Variants in FOXP1 observed in about 807,000 individuals in gnomAD.
FOXP1 encodes forkhead box protein P1.
FOXP1 carries 15 observed loss-of-function variants against 98.2 expected under a neutral mutation model. The ratio of observed to expected loss-of-function variants is 0.15; its 90% confidence interval spans 0.10 to 0.24. FOXP1 has a LOEUF of 0.24. FOXP1 is among the 10% of genes least tolerant of loss of function. The pLI is 1.00. For synonymous variants in FOXP1, 371 were observed against 314.5 expected (o/e 1.18, Z -1.90); for missense variants, 633 against 848.5 (o/e 0.75, Z 3.15).
Position 71,198,330 on chromosome 3 carries a change from T to C in FOXP1, c.52A>G (p.Asn18Asp). 1 of 1,613,046 alleles carries C rather than the reference T, an allele frequency of 6.2e-7. No homozygotes were observed. The highest frequency in any genetic ancestry group is 8.5e-7 in the Non-Finnish European group (1 of 1,179,840). The change falls in exon 6 of 21, where the codon AAT (asparagine) becomes GAT (aspartate). Residue 18 changes from asparagine (N) to aspartate (D), a missense_variant. Physicochemically the swap from Asn to Asp is conservative, Grantham distance 23. This residue lies in a region of FOXP1 where 103 missense variants were observed against 85.5 expected (regional missense o/e 1.20). Transcript: ENST00000649528. The stretch of plus-strand genomic sequence containing the variant: ...AAGTGGTTGCTGCCGCCCGACCCAT[T>C]CTGGATGGCTGAACCGTTACTTTTT... ...ETKSNGSAIQ[N>D]GSGGSNHLLE...
chr3:71,478,121 C>A (rs558435930), intron 3 of FOXP1, among the ~76,000 whole-genome samples: 4 of 152,290 alleles, frequency 2.6e-5, no homozygotes, highest in African/African-American at 9.6e-5. Context: ...TCTTTAATGT[C>A]TTCCAGATTC....
chr3:71,487,288 G>A lies in FOXP1; in HGVS notation c.-168+6138C>T, dbSNP rs541312029. Among the ~76,000 whole-genome samples, 71 of 152,122 alleles carry A rather than the reference G, an allele frequency of 4.7e-4. 1 individual carries two copies. In the South Asian group the frequency reaches 0.013, roughly 28 times the overall value. On this transcript the variant is annotated intron_variant, in intron 3 of 20. Transcript: ENST00000649528. ...TTGCCCAGGCTGGTCTCAAACTCCC[G>A]GCCTCAAGCAATCCTCCCACCTTGG...
intron 6 of FOXP1, among the ~76,000 whole-genome samples, chr3:71,138,621 G>A (rs2059928186): frequency 6.6e-6 from 1 of 152,118 alleles, no homozygotes. Flanking sequence ...TCTCTCAAAA[G>A]TGATACAAAT....
At chr3:71,153,619 AG>A (rs1410066577) in intron 6 of FOXP1, among the ~76,000 whole-genome samples, 3 of 152,142 alleles carry the variant, frequency 2.0e-5, no homozygotes, top group African/African-American at 7.2e-5. Flanking sequence ...TGACAACTGA[AG>A]ATACACATCA....
intron 3 of FOXP1, among the ~76,000 whole-genome samples, chr3:71,386,768 C>T (rs1416311756): frequency 4.1e-5 from 6 of 147,544 alleles, no homozygotes; most frequent in African/African-American, 1.5e-4. Flanking sequence ...AAAAGAATCA[C>T]CTTCCTTGGA....
intron 2 of FOXP1, among the ~76,000 whole-genome samples, chr3:71,526,699 G>A (rs990081042): frequency 1.3e-5 from 2 of 152,194 alleles, no homozygotes; most frequent in Non-Finnish European, 2.9e-5. Flanking sequence ...CAGGCACGGT[G>A]GCTCACGCCT....
intron 4 of FOXP1, among the ~76,000 whole-genome samples, chr3:71,322,514 G>A (rs954354567): frequency 3.3e-5 from 5 of 152,166 alleles, no homozygotes; most frequent in Admixed American, 2.0e-4. Context: ...AGCAGAAGAG[G>A]TTTTCTCATG....
intron 7 of FOXP1, among the ~76,000 whole-genome samples, chr3:71,086,093 T>C (rs369974166): frequency 8.5e-5 from 13 of 152,284 alleles, no homozygotes; most frequent in African/African-American, 2.4e-4. Context: ...CAGGTCACGA[T>C]TCAAACATGA....
intron 3 of FOXP1, among the ~76,000 whole-genome samples, chr3:71,364,398 G>A (rs781620211): frequency 3.9e-5 from 6 of 152,260 alleles, no homozygotes; most frequent in South Asian, 2.1e-4. Flanking sequence ...TAACCTTCAC[G>A]TAGCCCAGTA....
At chr3:71,186,311 T>C (rs1203134845) in intron 6 of FOXP1, among the ~76,000 whole-genome samples, 2 of 152,222 alleles carry the variant, frequency 1.3e-5, no homozygotes, top group African/African-American at 2.4e-5. Flanking sequence ...AAAACTTTTA[T>C]CTTGTAAGAT....
At chr3:71,057,339 C>A (rs1027809296) in intron 7 of FOXP1, among the ~76,000 whole-genome samples, 2 of 50,474 alleles carry the variant, frequency 4.0e-5, no homozygotes, top group South Asian at 7.3e-4. Context: ...AGATTTCATG[C>A]CTTCTACCTT....
intron 7 of FOXP1, among the ~76,000 whole-genome samples, chr3:71,109,940 A>C (rs1027585519): frequency 1.3e-5 from 2 of 152,038 alleles, no homozygotes; most frequent in African/African-American, 4.8e-5. Flanking sequence ...CAATTCCTCT[A>C]CTTGGGGGGT....
rs141857806 is a variant in FOXP1 at position 71,350,027 on chromosome 3, A to G, written c.-73+9123T>C. 8.9e-3 allele frequency among the ~76,000 whole-genome samples: 1,352 copies of G among 152,278 alleles called. 24 individuals carry two copies. Among genetic ancestry groups the G allele is most frequent in the African/African-American group, 0.031 (1,277 of 41,532 alleles). On this transcript the variant is annotated intron_variant, in intron 4 of 20. Coordinates refer to ENST00000649528, the MANE Select transcript of FOXP1 (RefSeq NM_001349338.3). The stretch of plus-strand genomic sequence containing the variant: ...TTAACTCACTGAAGTTTTTCCCAAG[A>G]AGGTTTCATCCATTCACTTATTACG...
At chr3:71,127,691 A>G (rs2059310402) in intron 6 of FOXP1, among the ~76,000 whole-genome samples, 1 of 152,206 alleles carries the variant, frequency 6.6e-6, no homozygotes, top group South Asian at 2.1e-4. Flanking sequence ...TTAAATACAG[A>G]CACACCCGGA....
At chr3:70,974,948 G>A (rs1022293652) in intron 17 of FOXP1, among the ~76,000 whole-genome samples, 4 of 152,084 alleles carry the variant, frequency 2.6e-5, no homozygotes, top group South Asian at 2.1e-4. Context: ...AGCAGAAAGC[G>A]ACGAGAAGTC....
chr3:71,249,701 C>T (rs558546482), intron 5 of FOXP1, among the ~76,000 whole-genome samples: 1 of 152,326 alleles, frequency 6.6e-6, no homozygotes, highest in South Asian at 2.1e-4. Context: ...GGAGTACAAG[C>T]CAATCCACTA....
intron 6 of FOXP1, among the ~76,000 whole-genome samples, chr3:71,124,184 C>G (rs564153508): frequency 6.6e-6 from 1 of 151,390 alleles, no homozygotes; most frequent in Non-Finnish European, 1.5e-5. Context: ...TGTCTATTAT[C>G]TAGTTTTTCA....
At chr3:71,386,573 T>C (rs2080593749) in intron 3 of FOXP1, among the ~76,000 whole-genome samples, 1 of 151,964 alleles carries the variant, frequency 6.6e-6, no homozygotes, top group Non-Finnish European at 1.5e-5. Flanking sequence ...AAACCCCGTC[T>C]CTACTAAAAA....
chr3:71,548,430 G>T (rs72961289), intron 2 of FOXP1, among the ~76,000 whole-genome samples: 4 of 152,030 alleles, frequency 2.6e-5, no homozygotes, highest in African/African-American at 9.7e-5. Flanking sequence ...TTTTAAGACA[G>T]GGTCTTGTAC....
Sources: allele counts gnomAD v4.1 joint callset (sites outside exome capture counted in the v4.1 genomes callset), GRCh38; gene constraint gnomAD v4.1.1; regional missense constraint gnomAD v4.1.1; transcripts MANE v1.5; gene names NCBI Gene and HGNC (gene_info 2026-07-23, HGNC 2026-07-21).